RGS22: variants seen among roughly 807,000 people sequenced by gnomAD.
RGS22 encodes the protein regulator of G-protein signaling 22.
In RGS22, 148 loss-of-function variants were observed where a neutral mutation model predicts 172.9. The observed-to-expected ratio is 0.86, with a 90% CI of 0.75 to 0.98. The LOEUF (loss-of-function observed/expected upper bound fraction) is 0.98, where lower values mean the gene tolerates loss of function less well. Among genes scored for constraint, RGS22 ranks in the 50% least tolerant of loss-of-function variants. The pLI, the probability that RGS22 is intolerant of heterozygous loss-of-function variation, is 0.00. For missense variants in RGS22, 1,347 were observed against 1,440.8 expected (o/e 0.93, Z 1.05); for synonymous variants, 458 against 480.2 (o/e 0.95, Z 0.60).
At position 100,072,203 on chromosome 8, in the gene RGS22, A is replaced by G; in HGVS notation, c.367T>C (p.Trp123Arg). 1 of 1,600,526 alleles carries G rather than the reference A, an allele frequency of 6.2e-7. No individual in the cohort carries two copies. ...MCLSREEGIK[W>R]IKKERLPAFL... Reference sequence around the variant, plus strand: ...GCTGGAAGTCTTTCTTTTTTGATCCACTTAATACCTTCTTCACGACTGAGA... The same window carrying G: ...GCTGGAAGTCTTTCTTTTTTGATCCGCTTAATACCTTCTTCACGACTGAGA... Residue 123 changes from tryptophan to arginine, a missense_variant, in exon 5 of 28, where the codon TGG becomes CGG. By Grantham distance (101) the Trp-to-Arg change is moderately radical. Transcript: ENST00000360863.
intron 23 of RGS22, among the ~76,000 whole-genome samples, chr8:99,967,621 T>C (rs1282505268): frequency 6.6e-6 from 1 of 152,138 alleles, no homozygotes; most frequent in Non-Finnish European, 1.5e-5. Flanking sequence ...GCTGGGAAGT[T>C]TGAATGGTGT....
At chr8:99,994,944 G>C (rs1175205087) in intron 20 of RGS22, among the ~76,000 whole-genome samples, 2 of 151,976 alleles carry the variant, frequency 1.3e-5, no homozygotes, top group East Asian at 1.9e-4. Flanking sequence ...CAGAACAGAG[G>C]CCTCAGAAAT....
chr8:100,085,345 T>C (rs552978574), intron 3 of RGS22, among the ~76,000 whole-genome samples: 1 of 152,022 alleles, frequency 6.6e-6, no homozygotes. Context: ...CCAAATGAAA[T>C]GAAAAAGACA....
At chr8:99,965,313 C>G (rs759089894) in intron 24 of RGS22, 22 bp downstream of exon 24, 2 of 1,535,936 alleles carry the variant, frequency 1.3e-6, no homozygotes, top group Non-Finnish European at 1.8e-6. Flanking sequence ...GAAATGAGGT[C>G]TGCACCATCT....
chr8:99,982,555 G>C (rs960919287), intron 21 of RGS22, among the ~76,000 whole-genome samples: 2 of 152,086 alleles, frequency 1.3e-5, no homozygotes, highest in African/African-American at 2.4e-5. Flanking sequence ...TTATGATAGA[G>C]GTATACATAG....
At position 100,040,044 on chromosome 8, in the gene RGS22, A is replaced by G. The variant is rs776426300; in HGVS notation, c.1982T>C (p.Met661Thr). ...SDVGALGGSD[M>T]ENLLQSLYVE... ...ATACAAAGATTGCAACAAATTTTCC[A>G]TGTCAGATCCTCCCAAGGCACCAAC... is the stretch of plus-strand genomic sequence containing the variant. Residue 661 changes from methionine (M) to threonine (T), a missense_variant, in exon 13 of 28, where the codon ATG becomes ACG. Coordinates refer to ENST00000360863, the MANE Select transcript of RGS22 (RefSeq NM_015668.5). The G allele has an allele frequency of 4.3e-6, 7 of 1,609,874 alleles. No homozygotes were observed. Among genetic ancestry groups the G allele is most frequent in the Middle Eastern group, 1.6e-4 (1 of 6,072 alleles).
chr8:99,964,824 G>A (rs1256692875), intron 24 of RGS22, among the ~76,000 whole-genome samples: 1 of 152,112 alleles, frequency 6.6e-6, no homozygotes, highest in African/African-American at 2.4e-5. Context: ...ATCAAAAATA[G>A]ACATAAGTTA....
intron 9 of RGS22, among the ~76,000 whole-genome samples, chr8:100,057,695 C>G (rs1351930439): frequency 6.6e-6 from 1 of 152,178 alleles, no homozygotes; most frequent in Non-Finnish European, 1.5e-5. Flanking sequence ...GAGGCCTCCC[C>G]AGTCACATGG....
chr8:99,967,248 G>A (rs963905460), intron 23 of RGS22, among the ~76,000 whole-genome samples: 1 of 152,076 alleles, frequency 6.6e-6, no homozygotes, highest in Non-Finnish European at 1.5e-5. Flanking sequence ...AGATTCCCTC[G>A]GGTGCCTATG....
intron 11 of RGS22, chr8:100,046,351 T>C (rs1820714917): frequency 6.6e-6 from 1 of 152,008 alleles, no homozygotes; most frequent in Non-Finnish European, 1.5e-5. Flanking sequence ...CGTAACAATG[T>C]ATAGTTTTCA....
intron 19 of RGS22, among the ~76,000 whole-genome samples, chr8:99,998,604 A>G (rs572747800): frequency 7.0e-4 from 106 of 152,202 alleles, no homozygotes; most frequent in African/African-American, 2.4e-3. Context: ...TAAACAAAAA[A>G]CCAAAAACTT....
intron 2 of RGS22, among the ~76,000 whole-genome samples, chr8:100,102,332 T>C (rs1164868205): frequency 6.6e-6 from 1 of 152,146 alleles, no homozygotes; most frequent in Non-Finnish European, 1.5e-5. Flanking sequence ...CTAGAAAATG[T>C]AGTCTTAATT....
At chr8:99,963,324 T>C (rs951086169) in intron 24 of RGS22, among the ~76,000 whole-genome samples, 1 of 152,194 alleles carries the variant, frequency 6.6e-6, no homozygotes, top group African/African-American at 2.4e-5. Flanking sequence ...GGTGGTGATA[T>C]TCTGTTTCTC....
chr8:99,986,787 G>A (rs1485762046), intron 21 of RGS22, among the ~76,000 whole-genome samples: 1 of 151,758 alleles, frequency 6.6e-6, no homozygotes. Context: ...CCATAATCCA[G>A]TATCTTTGAT....
At chr8:100,002,449 A>C in intron 17 of RGS22, 85 bp from the exon 18 acceptor site, 16 of 1,354,816 alleles carry the variant, frequency 1.2e-5, no homozygotes, top group Non-Finnish European at 1.6e-5. Flanking sequence ...TTTTGACAGA[A>C]CTTAGAAAGT....
At chr8:100,033,539 C>CA (rs71572052) in intron 14 of RGS22, among the ~76,000 whole-genome samples, 49,205 of 138,824 alleles carry the variant, frequency 0.35, 9,182 homozygotes, top group East Asian at 0.46. Flanking sequence ...GCCTACCAAC[C>CA]AAAAAAAAAA....
At chr8:99,973,728 G>C (rs1164404427) in intron 23 of RGS22, among the ~76,000 whole-genome samples, 3 of 151,986 alleles carry the variant, frequency 2.0e-5, no homozygotes, top group Non-Finnish European at 4.4e-5. Context: ...AATTAGCTGG[G>C]TGTAGTGGCG....
At chr8:100,043,012 G>A (rs974668098) in intron 11 of RGS22, among the ~76,000 whole-genome samples, 4 of 152,124 alleles carry the variant, frequency 2.6e-5, no homozygotes, top group Admixed American at 6.6e-5. Context: ...ATTAGGAGCC[G>A]CAACACTGCT....
At chr8:100,040,393 G>A (rs889116724) in intron 12 of RGS22, among the ~76,000 whole-genome samples, 1 of 152,054 alleles carries the variant, frequency 6.6e-6, no homozygotes, top group African/African-American at 2.4e-5. Flanking sequence ...GACCATTTTA[G>A]GAGTATTCCA....
Sources: gnomAD v4.1 joint callset for allele counts (sites outside exome capture counted in the v4.1 genomes callset) on GRCh38, gnomAD v4.1.1 for gene constraint, MANE v1.5 for transcripts, NCBI Gene and HGNC (gene_info 2026-07-23, HGNC 2026-07-21) for gene names.